The following CEP85L variants were observed in gnomAD, a reference collection of about 807,000 sequenced individuals.
CEP85L encodes the protein centrosomal protein of 85 kDa-like.
Under a neutral mutation model 100.3 loss-of-function variants are expected in CEP85L, and 60 were observed. The ratio of observed to expected loss-of-function variants is 0.60; its 90% CI spans 0.49 to 0.74. The LOEUF is 0.74. Ranked by LOEUF, CEP85L falls within the 30% of genes least tolerant of loss-of-function variation. CEP85L has a pLI of 0.00. For synonymous variants in CEP85L, 319 were observed against 322.7 expected (o/e 0.99, Z 0.12); for missense variants, 973 against 936.2 (o/e 1.04, Z -0.51).
At chr6:118,589,241 A>G (rs1042920703) in intron 2 of CEP85L, 8 of 225,512 alleles carry the variant, frequency 3.5e-5, no homozygotes, top group African/African-American at 1.9e-4. Flanking sequence ...CTATGAGACC[A>G]TGACTAAACT....
Position 118,651,383 on chromosome 6 carries a change from G to A in CEP85L, c.-114C>T. The A allele has an allele frequency of 1.5e-6, 2 of 1,360,638 alleles. No homozygotes were observed. Among genetic ancestry groups the A allele is most frequent in the Non-Finnish European group, 9.4e-7 (1 of 1,059,088 alleles). 84.3% of individuals were successfully genotyped at this position (1,360,638 alleles called of 1,614,324 possible). ...GTGGGCCTCGGCGACACGGGCAGGA[G>A]GAAAGGCGGGATGGCTGGTTAACGG... On this transcript the variant is annotated 5_prime_UTR_variant, in exon 1 of 13. Transcript: ENST00000368491.
intron 10 of CEP85L, among the ~76,000 whole-genome samples, chr6:118,473,604 A>G (rs1332126996): frequency 6.6e-6 from 1 of 152,166 alleles, no homozygotes; most frequent in Non-Finnish European, 1.5e-5. Context: ...TTCTGAGCAG[A>G]GACATGATGT....
At chr6:118,665,009 A>ATCACACG (rs1465889039) in intron 1 of CEP85L, among the ~76,000 whole-genome samples, 1 of 151,970 alleles carries the variant, frequency 6.6e-6, no homozygotes, top group Non-Finnish European at 1.5e-5. Context: ...CACATCACAC[A>ATCACACG]AGCCTGCCTG....
chr6:118,563,031 G>C (rs1030106616), intron 3 of CEP85L, among the ~76,000 whole-genome samples: 17 of 152,138 alleles, frequency 1.1e-4, no homozygotes, highest in Admixed American at 1.1e-3. Context: ...TTCCTCCTCT[G>C]TCATAGTCCC....
chr6:118,523,059 C>T (rs1427166436), intron 4 of CEP85L, among the ~76,000 whole-genome samples: 2 of 152,074 alleles, frequency 1.3e-5, no homozygotes, highest in African/African-American at 4.8e-5. Context: ...ACACCTACTG[C>T]GTTATCCTAT....
intron 1 of CEP85L, among the ~76,000 whole-genome samples, chr6:118,700,253 G>A (rs1777366365): frequency 6.6e-6 from 1 of 152,230 alleles, no homozygotes; most frequent in Admixed American, 6.5e-5. Flanking sequence ...GAATAAGCGT[G>A]TAGTTCACAT....
In CEP85L at chr6:118,609,992, G is replaced by A. The variant is rs116276730; in HGVS notation, c.232+22461C>T. 9.7e-3 allele frequency among the ~76,000 whole-genome samples: 1,466 copies of A among 151,382 alleles called. 26 individuals are homozygous for A. The highest frequency in any genetic ancestry group is 0.034 in the African/African-American group (1,416 of 41,304). On this transcript the variant is annotated intron_variant, in intron 2 of 12. Transcript: ENST00000368491. ...TTTCTAGGGAAAAAAATTGAGAAGAGAGACGCAAAAAAAAATAAGGGAGCA... is the reference window on the plus strand; with the variant it reads ...TTTCTAGGGAAAAAAATTGAGAAGAAAGACGCAAAAAAAAATAAGGGAGCA...
chr6:118,465,236 G>T lies in CEP85L; in HGVS notation c.*169C>A. 1.9e-6 allele frequency: 1 copy of T among 538,988 alleles called. No individual in the cohort carries two copies. The allele number at this position is 538,988 out of a possible 1,614,324, so 33.4% of individuals were successfully genotyped here. On this transcript the variant is annotated 3_prime_UTR_variant, in exon 13 of 13. Coordinates refer to ENST00000368491, the MANE Select transcript of CEP85L (RefSeq NM_001042475.3). ...GATTTTTTTTCTTTTTGCCTGATTAGATAAGCCCCTTCAAAATCTCTTCAC... is the reference window on the plus strand; with the variant it reads ...GATTTTTTTTCTTTTTGCCTGATTATATAAGCCCCTTCAAAATCTCTTCAC...
intron 2 of CEP85L, among the ~76,000 whole-genome samples, chr6:118,615,533 A>G (rs1772976525): frequency 6.6e-6 from 1 of 152,172 alleles, no homozygotes; most frequent in Non-Finnish European, 1.5e-5. Flanking sequence ...ACGTTCCGAG[A>G]AAGATTTGGC....
intron 3 of CEP85L, among the ~76,000 whole-genome samples, chr6:118,526,912 G>T (rs1776996396): frequency 6.6e-6 from 1 of 150,642 alleles, no homozygotes; most frequent in African/African-American, 2.4e-5. Flanking sequence ...TTTAGCATAT[G>T]ATCAAGAAAC....
At chr6:118,549,427 G>T (rs1778405390) in intron 3 of CEP85L, among the ~76,000 whole-genome samples, 1 of 150,740 alleles carries the variant, frequency 6.6e-6, no homozygotes, top group South Asian at 2.1e-4. Flanking sequence ...TCTCTGTCAG[G>T]GCATACAGAA....
At chr6:118,559,970 C>A (rs1243569823) in intron 3 of CEP85L, 2 of 166,988 alleles carry the variant, frequency 1.2e-5, no homozygotes, top group Non-Finnish European at 2.9e-5. Context: ...AATCATGAAA[C>A]CTTAAGACTT....
chr6:118,564,280 C>T (rs1222517782), intron 3 of CEP85L, among the ~76,000 whole-genome samples: 1 of 152,176 alleles, frequency 6.6e-6, no homozygotes, highest in African/African-American at 2.4e-5. Flanking sequence ...CATACTCAGC[C>T]CCACTGGACA....
intron 1 of CEP85L, among the ~76,000 whole-genome samples, chr6:118,657,785 A>G (rs1429971372): frequency 6.6e-6 from 1 of 152,246 alleles, no homozygotes; most frequent in Admixed American, 6.5e-5. Context: ...GGAGCAAATT[A>G]CAAACTTGTG....
intron 2 of CEP85L, among the ~76,000 whole-genome samples, chr6:118,631,206 T>C (rs1051761160): frequency 5.3e-5 from 8 of 152,174 alleles, no homozygotes; most frequent in Non-Finnish European, 8.8e-5. Context: ...CCCAATGAAT[T>C]TTCCTGCTGC....
intron 1 of CEP85L, among the ~76,000 whole-genome samples, chr6:118,641,878 A>G (rs1774899911): frequency 6.6e-6 from 1 of 152,184 alleles, no homozygotes; most frequent in Non-Finnish European, 1.5e-5. Flanking sequence ...GTCACCTAGC[A>G]TTTCTGTTTG....
At chr6:118,603,409 A>G (rs1771948181) in intron 2 of CEP85L, among the ~76,000 whole-genome samples, 1 of 152,204 alleles carries the variant, frequency 6.6e-6, no homozygotes, top group African/African-American at 2.4e-5. Flanking sequence ...AAAATAACCA[A>G]TTTACCCAAT....
chr6:118,471,767 GAA>G (rs144782109), intron 10 of CEP85L, among the ~76,000 whole-genome samples: 1 of 136,554 alleles, frequency 7.3e-6, no homozygotes. Context: ...CCACAAAAAT[GAA>G]AAAAAAAAAA....
intron 2 of CEP85L, among the ~76,000 whole-genome samples, chr6:118,567,285 A>ATC (rs1779609950): frequency 7.6e-6 from 1 of 131,488 alleles, no homozygotes; most frequent in African/African-American, 2.9e-5. Flanking sequence ...ATATATATAT[A>ATC]TATCCATATT....
Sources: gnomAD v4.1 joint callset for allele counts (sites outside exome capture counted in the v4.1 genomes callset) on GRCh38, gnomAD v4.1.1 for gene constraint, MANE v1.5 for transcripts, NCBI Gene and HGNC (gene_info 2026-07-23, HGNC 2026-07-21) for gene names.